ADAMTS9: variants seen among roughly 807,000 people sequenced by gnomAD.
ADAMTS9 encodes A disintegrin and metalloproteinase with thrombospondin motifs 9.
A neutral mutation model predicts 257.1 loss-of-function variants in ADAMTS9; 107 were observed. The observed-to-expected ratio is 0.42, with a 90% CI of 0.36 to 0.49. ADAMTS9 has a LOEUF of 0.49. ADAMTS9 is among the 20% of genes least tolerant of loss of function. The pLI is 0.03. For synonymous variants in ADAMTS9, 982 were observed against 880.9 expected (o/e 1.11, Z -2.03); for missense variants, 2,353 against 2,469.1 (o/e 0.95, Z 1.00).
intron 28 of ADAMTS9, chr3:64,587,185 C>T (rs2084173168): frequency 6.6e-6 from 1 of 152,182 alleles, no homozygotes; most frequent in Admixed American, 6.6e-5. Context: ...TCTGCATTTT[C>T]TAATGCCCAG....
At chr3:64,603,856 G>A (rs1028422589) in intron 25 of ADAMTS9, 66 bp downstream of exon 25, 21 of 1,543,794 alleles carry the variant, frequency 1.4e-5, no homozygotes, top group Admixed American at 3.6e-5. Context: ...GCCCCCCTCC[G>A]CTGACTCCTC....
At chr3:64,678,824 T>C (rs767835136) in intron 3 of ADAMTS9, among the ~76,000 whole-genome samples, 25 of 152,138 alleles carry the variant, frequency 1.6e-4, no homozygotes, top group Non-Finnish European at 2.5e-4. Flanking sequence ...TGCATCTGAA[T>C]TCAAAGAAGG....
At chr3:64,647,850 T>A (rs114822621) in intron 11 of ADAMTS9, 90 bp downstream of exon 11, 15 of 1,131,148 alleles carry the variant, frequency 1.3e-5, no homozygotes, top group Non-Finnish European at 1.8e-5. Context: ...CTGCATTGTC[T>A]TATATTCTAA....
At chr3:64,525,023 C>G (rs1233277447) in intron 38 of ADAMTS9, among the ~76,000 whole-genome samples, 1 of 152,134 alleles carries the variant, frequency 6.6e-6, no homozygotes, top group African/African-American at 2.4e-5. Context: ...CCTTCCTGAC[C>G]TGGTTATCTG....
intron 24 of ADAMTS9, 25 bp from the exon 25 acceptor site, chr3:64,604,114 A>G (rs747278188): frequency 6.2e-7 from 1 of 1,612,980 alleles, no homozygotes; most frequent in Admixed American, 1.7e-5. Context: ...AAAATCATGC[A>G]GTTATATTAC....
Position 64,650,065 on chromosome 3 carries a change from C to G in ADAMTS9, c.1464-287G>C, listed in dbSNP as rs143668575. 108 of 301,396 alleles carry G rather than the reference C, an allele frequency of 3.6e-4. 1 individual carries two copies. The East Asian group carries it at 6.7e-3, about 19-fold the overall frequency. The allele number at this position is 301,396 out of a possible 1,614,324, so 18.7% of individuals were successfully genotyped here. A position where few individuals can be genotyped will look rare whatever the true frequency, so the allele number is the denominator to read the frequency against. On this transcript the variant is annotated intron_variant, in intron 9 of 39. Transcript: ENST00000498707. Reference sequence around the variant, plus strand: ...CAATTATCTGTTTATGTTTGACTATCTTTCCCAATAGACTGTAAGCTTTCT... The same window carrying G: ...CAATTATCTGTTTATGTTTGACTATGTTTCCCAATAGACTGTAAGCTTTCT...
At chr3:64,570,296 T>C (rs957922616) in intron 28 of ADAMTS9, among the ~76,000 whole-genome samples, 5 of 152,114 alleles carry the variant, frequency 3.3e-5, no homozygotes, top group African/African-American at 1.2e-4. Flanking sequence ...ATGACAAAAA[T>C]AAATATATGA....
At chr3:64,630,370 C>A (rs1700337853) in intron 16 of ADAMTS9, among the ~76,000 whole-genome samples, 1 of 152,112 alleles carries the variant, frequency 6.6e-6, no homozygotes, top group Admixed American at 6.6e-5. Context: ...TCAAGCCCAG[C>A]CTGGGCAACA....
At chr3:64,676,909 A>G in intron 3 of ADAMTS9, among the ~76,000 whole-genome samples, 1 of 152,248 alleles carries the variant, frequency 6.6e-6, no homozygotes, top group South Asian at 2.1e-4. Context: ...CTTGCCTTCC[A>G]GGCCCAGGCA....
chr3:64,564,634 G>A (rs564482608), intron 29 of ADAMTS9, among the ~76,000 whole-genome samples: 41 of 151,906 alleles, frequency 2.7e-4, no homozygotes, highest in Admixed American at 1.5e-3. Context: ...GGGCGTTGTC[G>A]TGTGCATTGT....
chr3:64,518,468 C>T lies in ADAMTS9; in HGVS notation c.*6-1347G>A, dbSNP rs572064233. On this transcript the variant is annotated intron_variant, in intron 39 of 39. Coordinates refer to ENST00000498707, the MANE Select transcript of ADAMTS9 (RefSeq NM_182920.2). ...GGATGATAAAAAGACTGACCAGTTC[C>T]GTCTTTTACTCAGCAGAAGAATCAC... Among the ~76,000 whole-genome samples, 7 of 152,186 alleles carry T rather than the reference C, an allele frequency of 4.6e-5. No individual in the cohort carries two copies. In the South Asian group the frequency reaches 8.3e-4, roughly 18 times the overall value.
Position 64,541,928 on chromosome 3 carries a change from G to T in ADAMTS9, c.5107C>A (p.Gln1703Lys). Residue 1703 changes from glutamine to lysine, a missense_variant, in exon 33 of 40, where the codon CAA (glutamine) becomes AAA (lysine). By Grantham distance (53) the Gln-to-Lys change is moderately conservative. Transcript: ENST00000498707. ...CGVGVMQRSV[Q>K]CLTNEDQPSH... ...GGTTGGTCCTCATTGGTTAAACATT[G>T]CACAGATCTCTGCATCACTCCAACA... 1 of 1,614,032 alleles carries T rather than the reference G, an allele frequency of 6.2e-7. No individual in the cohort carries two copies. The highest frequency in any genetic ancestry group is 1.1e-5 in the South Asian group (1 of 91,080).
At chr3:64,662,295 T>C (rs934526781) in intron 3 of ADAMTS9, among the ~76,000 whole-genome samples, 2 of 152,166 alleles carry the variant, frequency 1.3e-5, no homozygotes, top group East Asian at 3.9e-4. Context: ...TTTATCCTTT[T>C]AAACGTATTG....
At chr3:64,522,553 T>C (rs1382209496) in intron 38 of ADAMTS9, 2 of 245,596 alleles carry the variant, frequency 8.1e-6, no homozygotes, top group African/African-American at 4.5e-5. Context: ...TAAAATCATA[T>C]GAAATTCAAA....
At chr3:64,670,004 C>A (rs6780560) in intron 3 of ADAMTS9, among the ~76,000 whole-genome samples, 1,763 of 152,208 alleles carry the variant, frequency 0.012, 30 homozygotes, top group African/African-American at 0.039. Flanking sequence ...TTAAATTGTC[C>A]ACAAAGCACA....
chr3:64,540,561 G>C (rs552215135), intron 36 of ADAMTS9, among the ~76,000 whole-genome samples: 1 of 152,172 alleles, frequency 6.6e-6, no homozygotes, highest in East Asian at 1.9e-4. Context: ...CTGTGCTGGC[G>C]AAAGCTGGGC....
chr3:64,654,216 G>A (rs920659223), intron 8 of ADAMTS9, 137 bp downstream of exon 8: 2 of 860,912 alleles, frequency 2.3e-6, no homozygotes, highest in Non-Finnish European at 3.7e-6. Context: ...TAGGTTCAAA[G>A]CTCTTCAACC....
intron 11 of ADAMTS9, among the ~76,000 whole-genome samples, chr3:64,647,669 A>T (rs1398258463): frequency 6.6e-6 from 1 of 152,254 alleles, no homozygotes; most frequent in Non-Finnish European, 1.5e-5. Context: ...AATTTTAGAA[A>T]TGTTTAAATG....
intron 3 of ADAMTS9, 91 bp from the exon 4 acceptor site, chr3:64,658,882 T>A (rs1701154567): frequency 2.2e-6 from 3 of 1,383,782 alleles, no homozygotes; most frequent in Non-Finnish European, 3.0e-6. Flanking sequence ...TTGATCCCTC[T>A]GTGGTCAAAC....
Sources: allele counts gnomAD v4.1 joint callset (sites outside exome capture counted in the v4.1 genomes callset), GRCh38; gene constraint gnomAD v4.1.1; transcripts MANE v1.5; gene names NCBI Gene and HGNC (gene_info 2026-07-23, HGNC 2026-07-21).